NSG2: variants seen among roughly 807,000 people sequenced by gnomAD.
The protein encoded by NSG2 is neuronal vesicle trafficking associated 2, also known as neuronal vesicle trafficking-associated protein 2.
Under a neutral mutation model 16.9 loss-of-function variants are expected in NSG2, and 4 were observed. The ratio of observed to expected loss-of-function variants is 0.24; its 90% CI spans 0.12 to 0.54. The LOEUF (loss-of-function observed/expected upper bound fraction) is 0.54. Among genes scored for constraint, NSG2 ranks in the 20% least tolerant of loss-of-function variants. NSG2 has a pLI of 0.95. For synonymous variants in NSG2, 98 were observed against 88.7 expected, an observed-to-expected ratio of 1.11 and a Z score of -0.59; for missense variants, 179 against 221.1, an observed-to-expected ratio of 0.81 and a Z score of 1.21.
intron 3 of NSG2, among the ~76,000 whole-genome samples, chr5:174,097,489 G>A (rs1350553911): frequency 6.6e-6 from 1 of 151,428 alleles, no homozygotes; most frequent in Non-Finnish European, 1.5e-5. Context: ...GTATGTCTGT[G>A]TGTGTGTGTC....
intron 3 of NSG2, among the ~76,000 whole-genome samples, chr5:174,101,641 C>T (rs912638630): frequency 6.6e-6 from 1 of 152,220 alleles, no homozygotes; most frequent in African/African-American, 2.4e-5. Context: ...CCTTTCATGG[C>T]TGAATAACAT....
chr5:174,107,234 C>G lies in NSG2; in HGVS notation c.325-80C>G. The G allele has an allele frequency of 2.3e-6, 3 of 1,308,248 alleles. No homozygotes were observed. The highest frequency in any genetic ancestry group is 2.1e-6 in the Non-Finnish European group (2 of 958,502). The allele number at this position is 1,308,248 out of a possible 1,614,324, so 81.0% of individuals were successfully genotyped here. A position where few individuals can be genotyped will look rare whatever the true frequency, so the allele number is the denominator to read the frequency against. ...GCTGACAGCCCGATGCAGCTGCACT[C>G]CAGTCAGGGTGGCTGTGTTGCTGGG... On this transcript the variant is annotated intron_variant, in intron 4 of 4. Coordinates refer to ENST00000303177, the MANE Select transcript of NSG2 (RefSeq NM_015980.5). The surrounding 1 kb of genome is among the most constrained non-coding windows in gnomAD (Gnocchi z 4.5).
intron 4 of NSG2, among the ~76,000 whole-genome samples, chr5:174,104,596 G>A (rs571604445): frequency 2.0e-4 from 31 of 152,294 alleles, no homozygotes; most frequent in African/African-American, 6.7e-4. Flanking sequence ...CAGCAATGAG[G>A]GAAGCAGCTC....
At chr5:174,061,753 G>A (rs1224942124) in intron 2 of NSG2, among the ~76,000 whole-genome samples, 4 of 151,946 alleles carry the variant, frequency 2.6e-5, no homozygotes, top group South Asian at 2.1e-4. Context: ...ACAGGTGTGC[G>A]CCACCATGCC....
chr5:174,095,546 G>T (rs890335688), intron 3 of NSG2, among the ~76,000 whole-genome samples: 1 of 152,082 alleles, frequency 6.6e-6, no homozygotes, highest in Non-Finnish European at 1.5e-5. Flanking sequence ...TCTAATAGGG[G>T]CACTGCTTGA....
chr5:174,045,908 A>G (rs1440595263), intron 1 of NSG2, 65 bp downstream of exon 1: 1 of 152,270 alleles, frequency 6.6e-6, no homozygotes, highest in Non-Finnish European at 1.5e-5. Flanking sequence ...TCACCCCCAC[A>G]ACAACCCTGT....
chr5:174,085,201 G>A (rs1231302041), intron 3 of NSG2, among the ~76,000 whole-genome samples: 2 of 152,166 alleles, frequency 1.3e-5, no homozygotes, highest in Non-Finnish European at 2.9e-5. Context: ...ACATTTATGG[G>A]AGCTTTACAT....
rs1323362358 is a variant in NSG2, at chr5:174,072,138, C to G, written c.213+7823C>G. Among the ~76,000 whole-genome samples, 1 of 152,198 alleles carries G rather than the reference C, an allele frequency of 6.6e-6. No individual in the cohort carries two copies. The highest frequency in any genetic ancestry group is 1.5e-5 in the Non-Finnish European group (1 of 68,026). The stretch of plus-strand genomic sequence containing the variant: ...TAGTGACTGTCCTTTCTTCTCTGTT[C>G]TCACTCCAACACTCTGGTTCAACCC... On this transcript the variant is annotated intron_variant, in intron 3 of 4. Transcript: ENST00000303177. The surrounding 1 kb of genome is among the most constrained non-coding windows in gnomAD (Gnocchi z 4.0).
At chr5:174,102,790 A>G (rs1760919468) in intron 3 of NSG2, among the ~76,000 whole-genome samples, 1 of 149,474 alleles carries the variant, frequency 6.7e-6, no homozygotes, top group South Asian at 2.1e-4. Context: ...TTATTTATTT[A>G]TTTATTTAGA....
chr5:174,083,527 C>T (rs541628352), intron 3 of NSG2, among the ~76,000 whole-genome samples: 35 of 152,174 alleles, frequency 2.3e-4, no homozygotes, highest in Non-Finnish European at 4.0e-4. Flanking sequence ...TTCATTCTTA[C>T]GTGCATTTCA....
At chr5:174,067,132 CAAAT>C (rs1486291979) in intron 3 of NSG2, among the ~76,000 whole-genome samples, 5 of 150,290 alleles carry the variant, frequency 3.3e-5, no homozygotes, top group East Asian at 3.9e-4. Context: ...TGAAAAATTA[CAAAT>C]AAATGTATTA....
At chr5:174,073,662 A>C (rs146104074) in intron 3 of NSG2, among the ~76,000 whole-genome samples, 12 of 152,298 alleles carry the variant, frequency 7.9e-5, no homozygotes, top group African/African-American at 2.4e-4. Context: ...ATCGTGGCTT[A>C]ATTTTTTAAC....
At chr5:174,075,965 G>A (rs748891235) in intron 3 of NSG2, among the ~76,000 whole-genome samples, 72 of 152,214 alleles carry the variant, frequency 4.7e-4, no homozygotes, top group African/African-American at 4.8e-4. Flanking sequence ...TCTTTAAGGG[G>A]TTTCAACCCT....
intron 2 of NSG2, among the ~76,000 whole-genome samples, chr5:174,048,705 C>G (rs1257924546): frequency 6.6e-6 from 1 of 152,082 alleles, no homozygotes; most frequent in Non-Finnish European, 1.5e-5. Flanking sequence ...GGTCTCTGTC[C>G]CCCCTTACTC....
At chr5:174,047,001 C>T (rs1010336311) in intron 2 of NSG2, 117 bp downstream of exon 2, 3 of 1,004,552 alleles carry the variant, frequency 3.0e-6, no homozygotes, top group East Asian at 2.5e-5. Context: ...AAATGTGCTC[C>T]CTTTCTTGTA....
intron 2 of NSG2, among the ~76,000 whole-genome samples, chr5:174,049,205 T>TG (rs1322217171): frequency 6.6e-6 from 1 of 151,880 alleles, no homozygotes; most frequent in Non-Finnish European, 1.5e-5. Context: ...CCGGGCGTGG[T>TG]GGTGGGTGCC....
intron 1 of NSG2, 68 bp downstream of exon 1, chr5:174,045,911 A>G (rs1218446411): frequency 2.0e-5 from 3 of 152,394 alleles, no homozygotes; most frequent in Admixed American, 6.5e-5. Context: ...CCCCCACAAC[A>G]ACCCTGTTTT....
chr5:174,078,515 C>T (rs1343555737), intron 3 of NSG2, among the ~76,000 whole-genome samples: 1 of 152,218 alleles, frequency 6.6e-6, no homozygotes, highest in African/African-American at 2.4e-5. Context: ...TAGCTTTCAG[C>T]CTTCTGCTGC....
At chr5:174,071,449 T>G (rs765858707) in intron 3 of NSG2, among the ~76,000 whole-genome samples, 1 of 152,156 alleles carries the variant, frequency 6.6e-6, no homozygotes, top group Non-Finnish European at 1.5e-5. Flanking sequence ...ATCGCACCAC[T>G]GCACTCCAGC....
Sources: gnomAD v4.1 joint callset for allele counts (sites outside exome capture counted in the v4.1 genomes callset) on GRCh38, gnomAD v4.1.1 for gene constraint, Gnocchi (gnomAD v3.1) non-coding constraint, MANE v1.5 for transcripts, NCBI Gene and HGNC (gene_info 2026-07-23, HGNC 2026-07-21) for gene names.